CAMK1D: variants seen among roughly 807,000 people sequenced by gnomAD.
CAMK1D encodes calcium/calmodulin-dependent protein kinase type 1D.
In CAMK1D, 9 loss-of-function variants were observed where a neutral mutation model predicts 47.7. The observed-to-expected ratio is 0.19, with a 90% CI of 0.11 to 0.33. The LOEUF (loss-of-function observed/expected upper bound fraction) is 0.33. Ranked by LOEUF, CAMK1D falls within the 10% of genes least tolerant of loss-of-function variation. The probability of loss-of-function intolerance (pLI) is 1.00; values close to 1 mark genes in which losing one functional copy is unlikely to be tolerated. For synonymous variants in CAMK1D, 184 were observed against 184.9 expected, an observed-to-expected ratio of 0.99 and a Z score of 0.04; for missense variants, 291 against 488.7, an observed-to-expected ratio of 0.60 and a Z score of 3.81.
chr10:12,499,169 GAC>G (rs1319873773), intron 1 of CAMK1D, among the ~76,000 whole-genome samples: 1 of 150,432 alleles, frequency 6.6e-6, no homozygotes, highest in East Asian at 2.0e-4. Context: ...ATGGAAATGA[GAC>G]CAGGAAAATA....
Position 12,771,756 on chromosome 10 carries a change from AG to A in CAMK1D, c.565+1959del, listed in dbSNP as rs1305096372. On this transcript the variant is annotated intron_variant, in intron 5 of 10. Transcript: ENST00000619168. ...TTTTTGAAAGGTCCAGTGCATGGCC[AG>A]GTGCAGTGGCTCACGCCTGTAATCC... Among the ~76,000 whole-genome samples, 4 of 152,344 alleles carry A rather than the reference AG, an allele frequency of 2.6e-5. No homozygotes were observed. In the East Asian group the frequency reaches 7.7e-4, roughly 29 times the overall value.
chr10:12,710,452 A>G (rs1194180321), intron 3 of CAMK1D, among the ~76,000 whole-genome samples: 1 of 152,262 alleles, frequency 6.6e-6, no homozygotes, highest in Non-Finnish European at 1.5e-5. Context: ...TGAAAAATAA[A>G]GAGCCCACAG....
chr10:12,419,113 A>G (rs991198450), intron 1 of CAMK1D, among the ~76,000 whole-genome samples: 1 of 152,172 alleles, frequency 6.6e-6, no homozygotes, highest in Non-Finnish European at 1.5e-5. Flanking sequence ...ATCATCTCAA[A>G]TGAATGGCAT....
intron 2 of CAMK1D, among the ~76,000 whole-genome samples, chr10:12,623,163 T>C (rs1159048282): frequency 1.4e-3 from 3 of 2,110 alleles, no homozygotes; most frequent in Non-Finnish European, 3.3e-3. Context: ...CTCCCTCCTT[T>C]CTTTCCTTCC....
chr10:12,551,953 G>C (rs1490223859), intron 1 of CAMK1D, among the ~76,000 whole-genome samples: 1 of 152,184 alleles, frequency 6.6e-6, no homozygotes, highest in African/African-American at 2.4e-5. Flanking sequence ...CGGGAACGTT[G>C]GTTTCTTGAA....
intron 1 of CAMK1D, among the ~76,000 whole-genome samples, chr10:12,354,631 C>T (rs988281861): frequency 1.3e-5 from 2 of 151,754 alleles, no homozygotes; most frequent in Admixed American, 6.6e-5. Flanking sequence ...AAGACGGTCT[C>T]GATCTCCTGA....
chr10:12,474,518 T>C (rs1003170305), intron 1 of CAMK1D, among the ~76,000 whole-genome samples: 1 of 152,116 alleles, frequency 6.6e-6, no homozygotes, highest in African/African-American at 2.4e-5. Context: ...AACCATCCTA[T>C]TTATTGTGTT....
Position 12,745,511 on chromosome 10 carries a change from G to T in CAMK1D, c.300-15437G>T, listed in dbSNP as rs544184024. 3.9e-5 allele frequency among the ~76,000 whole-genome samples: 6 copies of T among 152,254 alleles called. No individual in the cohort carries two copies. In the South Asian group the frequency reaches 1.0e-3, roughly 26 times the overall value. ...GCTGAAGAAAGCATCTCTATCTAAG[G>T]TCACTTACATGAGTTTTTCAAGTGT... On this transcript the variant is annotated intron_variant, in intron 3 of 10. Transcript: ENST00000619168.
chr10:12,526,563 T>C (rs774014625), intron 1 of CAMK1D, among the ~76,000 whole-genome samples: 1 of 152,192 alleles, frequency 6.6e-6, no homozygotes, highest in East Asian at 1.9e-4. Context: ...GTGATTTTGC[T>C]ATTTTGCAGT....
intron 2 of CAMK1D, among the ~76,000 whole-genome samples, chr10:12,572,048 CA>C (rs1554790461): frequency 2.7e-5 from 4 of 148,652 alleles, no homozygotes; most frequent in African/African-American, 7.5e-5. Context: ...AACCCCCCCC[CA>C]AAAAAAAAGT....
intron 2 of CAMK1D, among the ~76,000 whole-genome samples, chr10:12,624,317 A>G (rs1839137828): frequency 6.6e-6 from 1 of 152,136 alleles, no homozygotes; most frequent in Non-Finnish European, 1.5e-5. Context: ...ATTGTTGACT[A>G]CAGTACAATG....
intron 2 of CAMK1D, among the ~76,000 whole-genome samples, chr10:12,609,429 A>G (rs768849347): frequency 1.3e-5 from 2 of 152,238 alleles, no homozygotes; most frequent in Non-Finnish European, 2.9e-5. Flanking sequence ...AATACATAAT[A>G]AAATAATTCT....
At chr10:12,573,215 G>C (rs966885779) in intron 2 of CAMK1D, among the ~76,000 whole-genome samples, 1 of 152,234 alleles carries the variant, frequency 6.6e-6, no homozygotes, top group East Asian at 1.9e-4. Context: ...CAGGCCACAG[G>C]CCTGCAGCCC....
intron 8 of CAMK1D, among the ~76,000 whole-genome samples, chr10:12,819,213 G>A (rs377202943): frequency 1.3e-5 from 2 of 152,210 alleles, no homozygotes; most frequent in Non-Finnish European, 2.9e-5. Context: ...GGAGGTGGAG[G>A]CCCTGCTGAG....
intron 3 of CAMK1D, among the ~76,000 whole-genome samples, chr10:12,702,321 T>C (rs947413619): frequency 6.6e-6 from 1 of 152,148 alleles, no homozygotes; most frequent in Non-Finnish European, 1.5e-5. Flanking sequence ...ATCATTCTCA[T>C]ATTCTAGCTA....
At chr10:12,373,658 AC>A (rs1211952601) in intron 1 of CAMK1D, among the ~76,000 whole-genome samples, 1 of 152,172 alleles carries the variant, frequency 6.6e-6, no homozygotes, top group African/African-American at 2.4e-5. Flanking sequence ...AAACAAAAAA[AC>A]ACCCCAAAAT....
At chr10:12,558,056 C>T (rs528866464) in intron 2 of CAMK1D, among the ~76,000 whole-genome samples, 54 of 152,190 alleles carry the variant, frequency 3.5e-4, no homozygotes, top group Admixed American at 1.6e-3. Flanking sequence ...CTGTGAGGAC[C>T]GGCAGCCTTG....
intron 1 of CAMK1D, among the ~76,000 whole-genome samples, chr10:12,367,282 C>G (rs190976177): frequency 3.9e-5 from 6 of 152,202 alleles, no homozygotes; most frequent in Admixed American, 3.9e-4. Context: ...ACCTTGAAGC[C>G]AACCCCTCTT....
At chr10:12,563,293 G>T (rs114018413) in intron 2 of CAMK1D, among the ~76,000 whole-genome samples, 97 of 152,272 alleles carry the variant, frequency 6.4e-4, no homozygotes, top group Middle Eastern at 3.4e-3. Context: ...AGTCGAGGCT[G>T]CAGTGAGCTG....
Sources: allele counts gnomAD v4.1 joint callset (sites outside exome capture counted in the v4.1 genomes callset), GRCh38; gene constraint gnomAD v4.1.1; transcripts MANE v1.5; gene names NCBI Gene and HGNC (gene_info 2026-07-23, HGNC 2026-07-21).